PRMT8: variants seen among roughly 807,000 people sequenced by gnomAD.
PRMT8 encodes protein arginine N-methyltransferase 8.
PRMT8 carries 7 observed loss-of-function variants against 47.1 expected under a neutral mutation model. The ratio of observed to expected loss-of-function variants is 0.15; its 90% CI spans 0.08 to 0.28. The LOEUF is 0.28. Among genes scored for constraint, PRMT8 ranks in the 10% least tolerant of loss-of-function variants. The pLI, the probability that PRMT8 is intolerant of heterozygous loss-of-function variation, is 1.00. For synonymous variants in PRMT8, 188 were observed against 186.5 expected (o/e 1.01, Z -0.07); for missense variants, 237 against 505.4 (o/e 0.47, Z 5.09).
chr12:3,402,240 A>G (rs1234165043), intron 1 of PRMT8, among the ~76,000 whole-genome samples: 5 of 152,166 alleles, frequency 3.3e-5, no homozygotes, highest in Non-Finnish European at 5.9e-5. Flanking sequence ...AGGATTTCCT[A>G]GTTAATAGGA....
chr12:3,472,313 A>G (rs1464782535), intron 1 of PRMT8, among the ~76,000 whole-genome samples: 1 of 152,188 alleles, frequency 6.6e-6, no homozygotes, highest in African/African-American at 2.4e-5. Flanking sequence ...TTACATTTCT[A>G]AATTTCCAAG....
chr12:3,576,352 A>G lies in PRMT8; in HGVS notation c.713-519A>G, dbSNP rs1866944641. ...GGTGCTGGAATTTAAACTGTAGTTG[A>G]TTTCACGTTAAAAGCCCATGATTCT... On this transcript the variant is annotated intron_variant, in intron 6 of 9. Transcript: ENST00000382622. This position sits in a 1 kb window ranked among gnomAD's most constrained non-coding sequence, Gnocchi z 4.0. Among the ~76,000 whole-genome samples, 1 of 152,204 alleles carries G rather than the reference A, an allele frequency of 6.6e-6. No homozygotes were observed.
chr12:3,552,731 C>A lies in PRMT8; in HGVS notation c.418-920C>A. On this transcript the variant is annotated intron_variant, in intron 3 of 9. Transcript: ENST00000382622. This position sits in a 1 kb window ranked among gnomAD's most constrained non-coding sequence, Gnocchi z 4.5. ...CCCTCACCCTTCCTCAAGGCGTGGC[C>A]AGAGGCGTCAGAAACTCCCTCAGTG... The A allele has an allele frequency of 2.1e-6, 1 of 477,490 alleles. No homozygotes were observed. Among genetic ancestry groups the A allele is most frequent in the East Asian group, 6.3e-5 (1 of 15,870 alleles). The allele number at this position is 477,490 out of a possible 1,614,324, so 29.6% of individuals were successfully genotyped here. A position where few individuals can be genotyped will look rare whatever the true frequency, so the allele number is the denominator to read the frequency against.
chr12:3,491,346 C>A lies in PRMT8; in HGVS notation c.-280C>A. On this transcript the variant is annotated 5_prime_UTR_variant, in exon 1 of 10. Transcript: ENST00000382622. Reference sequence around the variant, plus strand: ...CGGGGCTGCTTCCCTCGAGCTTAGCCCGCAGCGCGGGTGGAGAGGGGCGGG... The same window carrying A: ...CGGGGCTGCTTCCCTCGAGCTTAGCACGCAGCGCGGGTGGAGAGGGGCGGG... The A allele has an allele frequency of 8.7e-7, 1 of 1,152,024 alleles. No individual in the cohort carries two copies. Among genetic ancestry groups the A allele is most frequent in the Middle Eastern group, 3.7e-4 (1 of 2,724 alleles). The allele number at this position is 1,152,024 out of a possible 1,614,324, so 71.4% of individuals were successfully genotyped here. A position where few individuals can be genotyped will look rare whatever the true frequency, so the allele number is the denominator to read the frequency against.
At chr12:3,521,833 A>G (rs73262019) in intron 1 of PRMT8, among the ~76,000 whole-genome samples, 2,527 of 152,264 alleles carry the variant, frequency 0.017, 76 homozygotes, top group African/African-American at 0.056. Context: ...CTCCCTCCCA[A>G]CTGCCACTGC....
intron 4 of PRMT8, among the ~76,000 whole-genome samples, chr12:3,556,260 G>T (rs185289286): frequency 8.5e-4 from 130 of 152,162 alleles, no homozygotes; most frequent in Non-Finnish European, 1.3e-3. Flanking sequence ...GTCACTTAGG[G>T]ATGGTGTGTA....
At chr12:3,499,182 T>A (rs1319083573) in intron 1 of PRMT8, among the ~76,000 whole-genome samples, 1 of 145,216 alleles carries the variant, frequency 6.9e-6, no homozygotes, top group African/African-American at 2.7e-5. Flanking sequence ...TATTTATTTT[T>A]TTTTTCCTTT....
At chr12:3,517,800 G>A (rs1459788068) in intron 1 of PRMT8, among the ~76,000 whole-genome samples, 2 of 152,106 alleles carry the variant, frequency 1.3e-5, no homozygotes, top group Non-Finnish European at 2.9e-5. Context: ...CAGGTTTAAA[G>A]GGATAATCCT....
At chr12:3,479,385 C>T (rs1355779363) in intron 1 of PRMT8, among the ~76,000 whole-genome samples, 1 of 152,216 alleles carries the variant, frequency 6.6e-6, no homozygotes, top group Non-Finnish European at 1.5e-5. Context: ...AGACTGGACA[C>T]TGTGCCTAAC....
intron 1 of PRMT8, among the ~76,000 whole-genome samples, chr12:3,392,098 G>T (rs1864198206): frequency 6.6e-6 from 1 of 152,122 alleles, no homozygotes; most frequent in East Asian, 1.9e-4. Flanking sequence ...GATGAGAGGA[G>T]GCACACAGTG....
chr12:3,487,382 G>A (rs1865332856), upstream of PRMT8, among the ~76,000 whole-genome samples: 3 of 152,156 alleles, frequency 2.0e-5, no homozygotes, highest in Admixed American at 2.0e-4. Context: ...CTGATTCTAG[G>A]GGCCTGGGAT....
At chr12:3,549,221 C>T (rs1334166745) in intron 2 of PRMT8, among the ~76,000 whole-genome samples, 1 of 152,056 alleles carries the variant, frequency 6.6e-6, no homozygotes, top group East Asian at 1.9e-4. Flanking sequence ...TTGTCAAAGC[C>T]CTTTTACTGA....
chr12:3,493,034 C>T lies in PRMT8; in HGVS notation c.75+1334C>T, dbSNP rs1259508291. 2.0e-5 allele frequency among the ~76,000 whole-genome samples: 3 copies of T among 152,140 alleles called. No homozygotes were observed. Among genetic ancestry groups the T allele is most frequent in the Non-Finnish European group, 4.4e-5 (3 of 68,020 alleles). On this transcript the variant is annotated intron_variant, in intron 1 of 9. Transcript: ENST00000382622. The surrounding 1 kb of genome is among the most constrained non-coding windows in gnomAD (Gnocchi z 8.2). ...CTGCGCTAAAACCCCTACCCCACGG[C>T]GTAGGCAGCAAAGCTTTATAAATCC...
At chr12:3,422,439 T>C (rs1864552605) in intron 1 of PRMT8, among the ~76,000 whole-genome samples, 1 of 152,158 alleles carries the variant, frequency 6.6e-6, no homozygotes, top group South Asian at 2.1e-4. Flanking sequence ...AGGGCTTTAT[T>C]CAGCTGGGAG....
Position 3,540,613 on chromosome 12 carries a change from G to GCCCCCCCCACCCCC in PRMT8, c.90_91insCACCCCCCCCCCCC (p.Ser31HisfsTer40). On this transcript the variant is annotated frameshift_variant, in exon 2 of 10. Transcript: ENST00000382622. LOFTEE classifies it high-confidence loss of function. ...CCCTTCTCTTCCCCTCAGGTGAACA[G>GCCCCCCCCACCCCC]CCCCCCCTCCCAGCCCCCCCAGCCC... 8.8e-7 allele frequency: 1 copy of GCCCCCCCCACCCCC among 1,130,522 alleles called. No individual in the cohort carries two copies. Among genetic ancestry groups the GCCCCCCCCACCCCC allele is most frequent in the Non-Finnish European group, 1.3e-6 (1 of 752,492 alleles). The allele number at this position is 1,130,522 out of a possible 1,614,324, so 70.0% of individuals were successfully genotyped here. A position where few individuals can be genotyped will look rare whatever the true frequency, so the allele number is the denominator to read the frequency against.
At chr12:3,401,837 A>C (rs1468895376) in intron 1 of PRMT8, among the ~76,000 whole-genome samples, 2 of 152,238 alleles carry the variant, frequency 1.3e-5, no homozygotes, top group African/African-American at 4.8e-5. Flanking sequence ...GAGAGGACAC[A>C]AACAAATGGA....
At chr12:3,410,797 G>A (rs749050241) in intron 1 of PRMT8, among the ~76,000 whole-genome samples, 5 of 152,162 alleles carry the variant, frequency 3.3e-5, no homozygotes, top group African/African-American at 7.2e-5. Flanking sequence ...GTGAGCCACC[G>A]CACCCAGCTG....
At chr12:3,397,860 G>A (rs559212816) in intron 1 of PRMT8, among the ~76,000 whole-genome samples, 2 of 152,284 alleles carry the variant, frequency 1.3e-5, no homozygotes, top group South Asian at 4.2e-4. Context: ...AGCAATCAGC[G>A]AGACTCCATG....
intron 8 of PRMT8, among the ~76,000 whole-genome samples, chr12:3,585,698 G>A (rs967655183): frequency 2.6e-5 from 4 of 152,008 alleles, no homozygotes; most frequent in African/African-American, 9.7e-5. Context: ...GGGACTTTTG[G>A]TCTCCGTCAG....
Sources: gnomAD v4.1 joint callset for allele counts (sites outside exome capture counted in the v4.1 genomes callset) on GRCh38, gnomAD v4.1.1 for gene constraint, Gnocchi (gnomAD v3.1) non-coding constraint, MANE v1.5 for transcripts, NCBI Gene and HGNC (gene_info 2026-07-23, HGNC 2026-07-21) for gene names.